RORA: variants seen among roughly 807,000 people sequenced by gnomAD.
RORA encodes nuclear receptor ROR-alpha.
A neutral mutation model predicts 69.5 loss-of-function variants in RORA; 7 were observed. That is an observed-to-expected ratio of 0.10 (90% CI 0.06 to 0.19). The LOEUF (loss-of-function observed/expected upper bound fraction) is 0.19, where lower values mean the gene tolerates loss of function less well. RORA is among the 10% of genes least tolerant of loss of function. The probability of loss-of-function intolerance (pLI) is 1.00; values close to 1 mark genes in which losing one functional copy is unlikely to be tolerated. For missense variants in RORA, 457 were observed against 663.0 expected (o/e 0.69, Z 3.41); for synonymous variants, 261 against 240.8 (o/e 1.08, Z -0.78).
chr15:60,538,226 C>T (rs891680920), intron 2 of RORA, among the ~76,000 whole-genome samples: 2 of 152,114 alleles, frequency 1.3e-5, no homozygotes, highest in African/African-American at 4.8e-5. Context: ...AAAAAGAAAG[C>T]ACTGGGAGTC....
chr15:61,149,826 T>C (rs904167789), intron 1 of RORA, among the ~76,000 whole-genome samples: 1 of 152,230 alleles, frequency 6.6e-6, no homozygotes, highest in Non-Finnish European at 1.5e-5. Flanking sequence ...AGAAGTCCCA[T>C]TTTGTCTCAT....
chr15:61,185,192 G>A (rs944903568), intron 1 of RORA, among the ~76,000 whole-genome samples: 1 of 152,028 alleles, frequency 6.6e-6, no homozygotes, highest in African/African-American at 2.4e-5. Flanking sequence ...GTGTCCCTCT[G>A]TAAATGAGGT....
intron 1 of RORA, among the ~76,000 whole-genome samples, chr15:60,921,585 T>C (rs1892049959): frequency 6.6e-6 from 1 of 152,212 alleles, no homozygotes. Flanking sequence ...TCCATTTCTT[T>C]ATGTGGGTAT....
At chr15:61,167,482 A>ATT (rs199752865) in intron 1 of RORA, among the ~76,000 whole-genome samples, 53 of 133,676 alleles carry the variant, frequency 4.0e-4, no homozygotes, top group South Asian at 1.3e-3. Flanking sequence ...TTTGACCAGG[A>ATT]TTTTTTTTTT....
At chr15:60,746,961 G>T (rs537531670) in intron 1 of RORA, among the ~76,000 whole-genome samples, 3 of 152,132 alleles carry the variant, frequency 2.0e-5, no homozygotes, top group Admixed American at 6.5e-5. Context: ...GAAACTCACC[G>T]ATCGACTCTA....
At chr15:60,919,454 G>A (rs1183597124) in intron 1 of RORA, among the ~76,000 whole-genome samples, 1 of 152,232 alleles carries the variant, frequency 6.6e-6, no homozygotes, top group African/African-American at 2.4e-5. Context: ...TCCTTCATGA[G>A]GGAGGAGTTG....
At chr15:60,884,050 C>G (rs341388) in intron 1 of RORA, among the ~76,000 whole-genome samples, 55,601 of 152,126 alleles carry the variant, frequency 0.37, 10,534 homozygotes, top group African/African-American at 0.4. Context: ...GTTATAGCCT[C>G]CAGTGGCCCC....
chr15:61,194,121 G>A (rs781013012), intron 1 of RORA: 1 of 152,216 alleles, frequency 6.6e-6, no homozygotes, highest in Non-Finnish European at 1.5e-5. Context: ...ATTGCTTCAA[G>A]TTCTAGAGCA....
intron 1 of RORA, among the ~76,000 whole-genome samples, chr15:60,804,449 G>C (rs1595727998): frequency 6.6e-6 from 1 of 152,126 alleles, no homozygotes; most frequent in South Asian, 2.1e-4. Flanking sequence ...GGAAACTGAG[G>C]CTCAGGGAGG....
At chr15:60,987,531 A>G (rs1037211172) in intron 1 of RORA, among the ~76,000 whole-genome samples, 1 of 152,186 alleles carries the variant, frequency 6.6e-6, no homozygotes, top group African/African-American at 2.4e-5. Flanking sequence ...TACAACTTTC[A>G]TTATTCCAGC....
chr15:61,027,377 T>C (rs115781439), intron 1 of RORA, among the ~76,000 whole-genome samples: 255 of 152,314 alleles, frequency 1.7e-3, no homozygotes, highest in African/African-American at 6.0e-3. Context: ...ACAGAAGAAG[T>C]AGAAGAAATG....
chr15:60,930,228 T>TA (rs1464329916), intron 1 of RORA, among the ~76,000 whole-genome samples: 2 of 152,212 alleles, frequency 1.3e-5, no homozygotes, highest in Non-Finnish European at 2.9e-5. Context: ...TAAGACCTGA[T>TA]ATGCCAGTCT....
At chr15:60,824,545 T>C (rs2072933398) in intron 1 of RORA, among the ~76,000 whole-genome samples, 1 of 152,196 alleles carries the variant, frequency 6.6e-6, no homozygotes, top group Non-Finnish European at 1.5e-5. Context: ...CCATATGCTG[T>C]AGTGATTAAA....
Position 60,839,226 on chromosome 15 carries a change from G to C in RORA, c.167-160540C>G, listed in dbSNP as rs184061318. On this transcript the variant is annotated intron_variant, in intron 1 of 10. Coordinates refer to ENST00000335670, the MANE Select transcript of RORA (RefSeq NM_134261.3). ...ACATATATTTTTTAAGTGCTTACGT[G>C]TCAGGCATTGTAAGAATAGTATTAA... Among the ~76,000 whole-genome samples the C allele has an allele frequency of 2.8e-3, 419 of 152,138 alleles. 2 individuals carry two copies. Among genetic ancestry groups the C allele is most frequent in the Middle Eastern group, 6.8e-3 (2 of 294 alleles).
At chr15:61,097,323 A>G (rs770451053) in intron 1 of RORA, among the ~76,000 whole-genome samples, 4 of 152,206 alleles carry the variant, frequency 2.6e-5, no homozygotes, top group Non-Finnish European at 5.9e-5. Flanking sequence ...CAAAATAAAT[A>G]AAAGGAATTG....
At chr15:61,156,370 C>T (rs570896121) in intron 1 of RORA, among the ~76,000 whole-genome samples, 115 of 152,138 alleles carry the variant, frequency 7.6e-4, no homozygotes, top group Non-Finnish European at 8.5e-4. Flanking sequence ...TGAGTTGTTT[C>T]TTTTAATCAG....
At chr15:60,597,296 T>C (rs2068687865) in intron 2 of RORA, among the ~76,000 whole-genome samples, 1 of 151,468 alleles carries the variant, frequency 6.6e-6, no homozygotes, top group Non-Finnish European at 1.5e-5. Context: ...GGCTTATGTT[T>C]TGTAATCACC....
intron 2 of RORA, among the ~76,000 whole-genome samples, chr15:60,654,849 T>C (rs1234503392): frequency 6.6e-6 from 1 of 152,168 alleles, no homozygotes; most frequent in East Asian, 1.9e-4. Flanking sequence ...AAACTGGAAG[T>C]CGGGAAGCAG....
chr15:60,598,926 C>T (rs1003545525), intron 2 of RORA, among the ~76,000 whole-genome samples: 6 of 152,192 alleles, frequency 3.9e-5, no homozygotes, highest in African/African-American at 1.4e-4. Flanking sequence ...TAAACACCTT[C>T]TGTGTGCATT....
Sources: allele counts gnomAD v4.1 joint callset (sites outside exome capture counted in the v4.1 genomes callset), GRCh38; gene constraint gnomAD v4.1.1; transcripts MANE v1.5; gene names NCBI Gene and HGNC (gene_info 2026-07-23, HGNC 2026-07-21).